Variants in CCT6B observed in about 807,000 individuals in gnomAD.
The protein encoded by CCT6B is probable T-complex protein 1 subunit zeta-2.
CCT6B carries 49 observed loss-of-function variants against 61.5 expected under a neutral mutation model. That is an observed-to-expected ratio of 0.80 (90% CI 0.63 to 1.01). CCT6B has a LOEUF of 1.01. Among genes scored for constraint, CCT6B ranks in the 50% least tolerant of loss-of-function variants. The pLI is 0.00. For synonymous variants in CCT6B, 228 were observed against 214.5 expected (o/e 1.06, Z -0.55); for missense variants, 666 against 634.7 (o/e 1.05, Z -0.53).
Position 34,954,548 on chromosome 17 carries a change from C to T in CCT6B, c.388G>A (p.Ala130Thr), listed in dbSNP as rs746065294. 4 of 1,613,666 alleles carry T rather than the reference C, an allele frequency of 2.5e-6. 1 individual carries two copies. The highest frequency in any genetic ancestry group is 2.2e-5 in the East Asian group (1 of 44,806). ...AEGFEAAKIKALEVLEEVKVT... is the reference protein window; with the variant it reads ...AEGFEAAKIKTLEVLEEVKVT... ...TTAACTTCCTCCAAAACTTCAAGTG[C>T]TTTTATCTTTGCAGCTTCAAATCCT... The change falls in exon 4 of 14, where the codon GCA becomes ACA. Residue 130 changes from alanine (A) to threonine (T), a missense_variant. Ala to Thr is a moderately conservative substitution (Grantham distance 58). Transcript: ENST00000314144.
chr17:34,929,417 G>A (rs2090008385), intron 12 of CCT6B, among the ~76,000 whole-genome samples: 1 of 150,618 alleles, frequency 6.6e-6, no homozygotes, highest in African/African-American at 2.4e-5. Context: ...ATCTCATCCA[G>A]ACTTTTAGAT....
chr17:34,959,891 T>A (rs2090392579), intron 1 of CCT6B, among the ~76,000 whole-genome samples: 1 of 152,198 alleles, frequency 6.6e-6, no homozygotes, highest in Non-Finnish European at 1.5e-5. Flanking sequence ...ACTTGATGAG[T>A]TACGAACTGT....
intron 10 of CCT6B, among the ~76,000 whole-genome samples, chr17:34,935,729 T>C (rs1383314625): frequency 6.6e-6 from 1 of 151,986 alleles, no homozygotes; most frequent in Non-Finnish European, 1.5e-5. Context: ...TGGTGGTGCA[T>C]GCCTGTAATC....
intron 3 of CCT6B, among the ~76,000 whole-genome samples, chr17:34,957,507 AC>A: frequency 6.6e-6 from 1 of 152,320 alleles, no homozygotes; most frequent in Non-Finnish European, 1.5e-5. Context: ...GAGGTAAGAG[AC>A]AAAGAACCTG....
rs2090298900 is a variant in CCT6B, at chr17:34,952,124, T to G, written c.511-71A>C. 4.3e-6 allele frequency: 4 copies of G among 919,752 alleles called. No individual in the cohort carries two copies. In the South Asian group the frequency reaches 4.5e-5, roughly 10 times the overall value. The allele number at this position is 919,752 out of a possible 1,614,324, so 57.0% of individuals were successfully genotyped here. On this transcript the variant is annotated intron_variant, in intron 4 of 13. Coordinates refer to ENST00000314144, the MANE Select transcript of CCT6B (RefSeq NM_006584.4). ...AAATAAACCAAGGGCCCAAACAATC[T>G]ATCACCAGACTAAGGAGATAAAAGC...
chr17:34,940,612 GA>G lies in CCT6B; in HGVS notation c.894del (p.Pro299HisfsTer4). On this transcript the variant is annotated frameshift_variant, in exon 8 of 14. Transcript: ENST00000314144. LOFTEE classifies it high-confidence loss of function. ...GFVVINQKGI[D>X]PFSLDSLAKH... is the part of the protein sequence containing the mutation. ...TTTGCAAGAGAATCTAAGGAAAATG[GA>G]TCAATTCCCTATAATCAAATTAACA... 6.6e-7 allele frequency: 1 copy of G among 1,511,292 alleles called. No individual in the cohort carries two copies. Among genetic ancestry groups the G allele is most frequent in the Non-Finnish European group, 9.1e-7 (1 of 1,101,162 alleles). The allele number at this position is 1,511,292 out of a possible 1,614,324, so 93.6% of individuals were successfully genotyped here.
chr17:34,940,548 T>TTTC lies in CCT6B; in HGVS notation c.956_958dup (p.Arg319dup), dbSNP rs563468247. ...TTATCTGCAAGCTTACCTTTCCATA[T>TTTC]TTCTTCTTTTTGCTCTGCGAAGAGC... On this transcript the variant is annotated inframe_insertion, in exon 8 of 14. Transcript: ENST00000314144. 1 of 1,562,674 alleles carries TTTC rather than the reference T, an allele frequency of 6.4e-7. No homozygotes were observed. The highest frequency in any genetic ancestry group is 1.2e-5 in the South Asian group (1 of 85,632).
chr17:34,941,819 G>C (rs2090167019), intron 7 of CCT6B, among the ~76,000 whole-genome samples: 1 of 152,144 alleles, frequency 6.6e-6, no homozygotes, highest in South Asian at 2.1e-4. Context: ...GGGAGGCCAA[G>C]CCAAGAGGAT....
At chr17:34,955,062 G>A (rs2090333432) in intron 3 of CCT6B, among the ~76,000 whole-genome samples, 1 of 152,124 alleles carries the variant, frequency 6.6e-6, no homozygotes, top group Non-Finnish European at 1.5e-5. Flanking sequence ...ACAGTTCTAT[G>A]GTATTTTGGC....
chr17:34,952,229 A>G (rs2090300187), intron 4 of CCT6B, among the ~76,000 whole-genome samples, 176 bp from the exon 5 acceptor site: 1 of 152,232 alleles, frequency 6.6e-6, no homozygotes, highest in Non-Finnish European at 1.5e-5. Flanking sequence ...GCCAACAGAC[A>G]CTTTAGAGTC....
At chr17:34,951,044 A>C (rs1050231537) in intron 5 of CCT6B, among the ~76,000 whole-genome samples, 2 of 152,236 alleles carry the variant, frequency 1.3e-5, no homozygotes, top group Admixed American at 6.5e-5. Flanking sequence ...ATCAAGGTGA[A>C]AAACAATGAG....
intron 8 of CCT6B, 140 bp downstream of exon 8, chr17:34,940,399 A>G (rs2090149426): frequency 7.3e-6 from 4 of 547,434 alleles, no homozygotes; most frequent in Non-Finnish European, 1.3e-5. Flanking sequence ...TTATTTACTG[A>G]AACTAAAAAC....
At position 34,928,098 on chromosome 17, in the gene CCT6B, T is replaced by C. The variant is rs374984268; in HGVS notation, c.1543A>G (p.Ile515Val). 81 of 1,612,098 alleles carry C rather than the reference T, an allele frequency of 5.0e-5. 2 individuals are homozygous for C. Among genetic ancestry groups the C allele is most frequent in the East Asian group, 2.9e-4 (13 of 44,722 alleles). Residue 515 changes from isoleucine (I) to valine (V), a missense_variant, in exon 14 of 14, where the codon ATT (isoleucine) becomes GTT (valine). Coordinates refer to ENST00000314144, the MANE Select transcript of CCT6B (RefSeq NM_006584.4). Reference protein sequence around the residue: ...LHSCTVIATNILLVDEIMRAG... With the variant: ...LHSCTVIATNVLLVDEIMRAG... Reference sequence around the variant, plus strand: ...CGCATAATTTCATCAACCAGGAGAATGTTGGTGGCAATCACTGTGCTAAGG... The same window carrying C: ...CGCATAATTTCATCAACCAGGAGAACGTTGGTGGCAATCACTGTGCTAAGG...
intron 4 of CCT6B, 101 bp from the exon 5 acceptor site, chr17:34,952,154 A>G: frequency 1.5e-6 from 1 of 677,032 alleles, no homozygotes; most frequent in Non-Finnish European, 2.5e-6. Flanking sequence ...AAAAGCCTTC[A>G]GGATTCAAAA....
chr17:34,960,362 G>A (rs1456957254), intron 1 of CCT6B, among the ~76,000 whole-genome samples: 1 of 151,900 alleles, frequency 6.6e-6, no homozygotes, highest in South Asian at 2.1e-4. Flanking sequence ...GTTTTGTTTC[G>A]TTTCTGTTGG....
chr17:34,929,020 C>G lies in CCT6B; in HGVS notation c.1465G>C (p.Ala489Pro). 6.2e-7 allele frequency: 1 copy of G among 1,606,868 alleles called. No homozygotes were observed. Among genetic ancestry groups the G allele is most frequent in the South Asian group, 1.1e-5 (1 of 90,094 alleles). ...TTATCCCAAACTCCTGCATCTGCTG[C>G]TACCATTGGCTCACCTGAAAAGTAA... ...VDLNTGEPMV[A>P]ADAGVWDNYC... Residue 489 changes from alanine (A) to proline (P), a missense_variant, in exon 13 of 14, where the codon GCA becomes CCA. Coordinates refer to ENST00000314144, the MANE Select transcript of CCT6B (RefSeq NM_006584.4).
In CCT6B at chr17:34,951,979, C is replaced by A; in HGVS notation, c.585G>T (p.Glu195Asp). 1.9e-6 allele frequency: 3 copies of A among 1,599,724 alleles called. No individual in the cohort carries two copies. The highest frequency in any genetic ancestry group is 2.6e-6 in the Non-Finnish European group (3 of 1,169,766). The change falls in exon 5 of 14, where the codon GAG becomes GAT. Residue 195 changes from glutamate (E) to aspartate (D), a missense_variant. Physicochemically the swap from Glu to Asp is conservative, Grantham distance 45 (BLOSUM62 2). Transcript: ENST00000314144. ...PIDLFMVEIM[E>D]MKHKLGTDTK... ...TATCTGTTCCTAATTTATGCTTCATCTCCATTATTTCTACCATGAAGAGAT... is the reference window on the plus strand; with the variant it reads ...TATCTGTTCCTAATTTATGCTTCATATCCATTATTTCTACCATGAAGAGAT...
At position 34,959,648 on chromosome 17, in the gene CCT6B, A is replaced by T; in HGVS notation, c.140T>A (p.Leu47His). ...TTTGATGTCACCTGCACCAGAAACAAGCCTGTTCAGAGAAGAATGATATTA... is the reference window on the plus strand; with the variant it reads ...TTTGATGTCACCTGCACCAGAAACATGCCTGTTCAGAGAAGAATGATATTA... ...NLGPKGTMKM[L>H]VSGAGDIKLT... The change falls in exon 2 of 14, where the codon CTT (leucine) becomes CAT (histidine). Residue 47 changes from leucine to histidine, a missense_variant and splice_region_variant. Coordinates refer to ENST00000314144, the MANE Select transcript of CCT6B (RefSeq NM_006584.4). 1 of 1,606,868 alleles carries T rather than the reference A, an allele frequency of 6.2e-7. No individual in the cohort carries two copies. Among genetic ancestry groups the T allele is most frequent in the Non-Finnish European group, 8.5e-7 (1 of 1,173,480 alleles).
chr17:34,953,726 G>T (rs1179070260), intron 4 of CCT6B, among the ~76,000 whole-genome samples: 2 of 152,048 alleles, frequency 1.3e-5, no homozygotes, highest in African/African-American at 2.4e-5. Flanking sequence ...GCCCGAGGTG[G>T]GTGTATCATT....
Sources: allele counts gnomAD v4.1 joint callset (sites outside exome capture counted in the v4.1 genomes callset), GRCh38; gene constraint gnomAD v4.1.1; transcripts MANE v1.5; gene names NCBI Gene and HGNC (gene_info 2026-07-23, HGNC 2026-07-21).